SURF4: variants seen among roughly 807,000 people sequenced by gnomAD.
SURF4 encodes the protein surfeit locus protein 4.
Under a neutral mutation model 30.0 loss-of-function variants are expected in SURF4, and 3 were observed. The observed-to-expected ratio is 0.10, with a 90% CI of 0.05 to 0.26. The LOEUF (loss-of-function observed/expected upper bound fraction) is 0.26. SURF4 is among the 10% of genes least tolerant of loss of function. The pLI is 1.00. For synonymous variants in SURF4, 143 were observed against 139.9 expected, an observed-to-expected ratio of 1.02 and a Z score of -0.16; for missense variants, 217 against 350.8, an observed-to-expected ratio of 0.62 and a Z score of 3.05.
Position 133,361,705 on chromosome 9 carries a change from C to CTA in SURF4, c.*1787_*1788insTA, listed in dbSNP as rs1836813280. ...CCAGGGCCAGGAGAAACAGGAACAC[C>CTA]CACTAGGACGGAGGCGCTGCTGGTG... On this transcript the variant is annotated 3_prime_UTR_variant, in exon 6 of 6. Coordinates refer to ENST00000371989, the MANE Select transcript of SURF4 (RefSeq NM_033161.4). 6.5e-6 allele frequency: 1 copy of CTA among 154,002 alleles called. No homozygotes were observed. 9.5% of individuals were successfully genotyped at this position (154,002 alleles called of 1,614,324 possible).
In SURF4 at chr9:133,361,798, A is replaced by G. The variant is rs1836822174; in HGVS notation, c.*1695T>C. 6.6e-6 allele frequency: 1 copy of G among 152,370 alleles called. No homozygotes were observed. 9.4% of individuals were successfully genotyped at this position (152,370 alleles called of 1,614,324 possible). A position where few individuals can be genotyped will look rare whatever the true frequency, so the allele number is the denominator to read the frequency against. ...CCTACTTTCCACCAATCAGCCAACC[A>G]ACCTTGACCACAGAGAAACCGTGAC... On this transcript the variant is annotated 3_prime_UTR_variant, in exon 6 of 6. Transcript: ENST00000371989.
Position 133,364,822 on chromosome 9 carries a change from G to A in SURF4, c.543+18C>T. The A allele has an allele frequency of 6.2e-7, 1 of 1,613,780 alleles. No individual in the cohort carries two copies. Among genetic ancestry groups the A allele is most frequent in the Non-Finnish European group, 8.5e-7 (1 of 1,179,836 alleles). ...TTCACAGGAAACCAGACCGGTTCAGGCAAGTAGGAATACTTACAGAAAAGA... is the reference window on the plus strand; with the variant it reads ...TTCACAGGAAACCAGACCGGTTCAGACAAGTAGGAATACTTACAGAAAAGA... On this transcript the variant is annotated intron_variant, in intron 5 of 5. Transcript: ENST00000371989.
chr9:133,373,463 C>T (rs1207247375), intron 1 of SURF4, among the ~76,000 whole-genome samples: 1 of 151,890 alleles, frequency 6.6e-6, no homozygotes, highest in Non-Finnish European at 1.5e-5. Context: ...ATTAGCGGGG[C>T]GTGGTGGCGT....
intron 1 of SURF4, among the ~76,000 whole-genome samples, chr9:133,368,313 G>A (rs2130156778): frequency 3.9e-5 from 6 of 152,350 alleles, no homozygotes; most frequent in African/African-American, 1.4e-4. Context: ...GTAAGATCAC[G>A]TTTACAGTTA....
chr9:133,365,915 T>G, intron 4 of SURF4, 70 bp downstream of exon 4: 1 of 1,499,434 alleles, frequency 6.7e-7, no homozygotes, highest in Non-Finnish European at 9.3e-7. Context: ...TTGGAGCATT[T>G]CAGACTTTGG....
chr9:133,363,869 A>T lies in SURF4; in HGVS notation c.544-110T>A, dbSNP rs2130095113. Reference sequence around the variant, plus strand: ...CATGAAGTCTCTATCCATCAGGCTGATGTAGCTACTGCTGAGACGGCTGCT... The same window carrying T: ...CATGAAGTCTCTATCCATCAGGCTGTTGTAGCTACTGCTGAGACGGCTGCT... On this transcript the variant is annotated intron_variant, in intron 5 of 5. Transcript: ENST00000371989. The surrounding 1 kb of genome is among the most constrained non-coding windows in gnomAD (Gnocchi z 4.3). 6.2e-5 allele frequency: 86 copies of T among 1,379,322 alleles called. No homozygotes were observed. The highest frequency in any genetic ancestry group is 8.1e-5 in the Non-Finnish European group (79 of 981,224). The allele number at this position is 1,379,322 out of a possible 1,614,324, so 85.4% of individuals were successfully genotyped here.
At position 133,367,523 on chromosome 9, in the gene SURF4, G is replaced by C. The variant is rs2130144748; in HGVS notation, c.49-78C>G. ...GCCGCTGCCAGGCACGTCCTTGGGC[G>C]GGGTGTGTGAGGAACAGACGCTGTG... On this transcript the variant is annotated intron_variant, in intron 1 of 5. Coordinates refer to ENST00000371989, the MANE Select transcript of SURF4 (RefSeq NM_033161.4). 6 of 1,595,222 alleles carry C rather than the reference G, an allele frequency of 3.8e-6. No individual in the cohort carries two copies. The East Asian group carries it at 1.1e-4, about 30-fold the overall frequency.
intron 1 of SURF4, among the ~76,000 whole-genome samples, chr9:133,374,097 T>C (rs1490931025): frequency 1.3e-5 from 2 of 152,074 alleles, no homozygotes; most frequent in African/African-American, 2.4e-5. Context: ...AGCGAGTGTA[T>C]GTAGCTCTCA....
rs1361867396 is a variant in SURF4 at position 133,362,542 on chromosome 9, C to T, written c.*951G>A. 6.5e-6 allele frequency: 1 copy of T among 152,712 alleles called. No homozygotes were observed. Among genetic ancestry groups the T allele is most frequent in the Non-Finnish European group, 1.5e-5 (1 of 68,112 alleles). The allele number at this position is 152,712 out of a possible 1,614,324, so 9.5% of individuals were successfully genotyped here. A position where few individuals can be genotyped will look rare whatever the true frequency, so the allele number is the denominator to read the frequency against. ...GCTCAGCCAGGGCGGCCTGCGCTTTCGAGACCTTGCTCAGAAAAGGCCCCA... is the reference window on the plus strand; with the variant it reads ...GCTCAGCCAGGGCGGCCTGCGCTTTTGAGACCTTGCTCAGAAAAGGCCCCA... On this transcript the variant is annotated 3_prime_UTR_variant, in exon 6 of 6. Transcript: ENST00000371989.
intron 1 of SURF4, among the ~76,000 whole-genome samples, chr9:133,368,300 A>G (rs996687626): frequency 6.6e-6 from 1 of 152,238 alleles, no homozygotes; most frequent in African/African-American, 2.4e-5. Context: ...GGTTGACTGA[A>G]TAGTAAGATC....
chr9:133,371,152 A>C, intron 1 of SURF4: 1 of 985,260 alleles, frequency 1.0e-6, no homozygotes, highest in Non-Finnish European at 1.2e-6. Flanking sequence ...TCAGGACAGA[A>C]AGAAATTGAG....
chr9:133,375,370 C>T (rs1209968044), intron 1 of SURF4: 4 of 985,634 alleles, frequency 4.1e-6, no homozygotes, highest in Non-Finnish European at 4.8e-6. Context: ...GTCAAAGGGA[C>T]CCCAAGAGTC....
rs1200932075 is a variant in SURF4, at chr9:133,370,741, G to A, written c.49-3296C>T. The A allele has an allele frequency of 2.5e-5, 15 of 599,008 alleles. No individual in the cohort carries two copies. In the East Asian group the frequency reaches 9.4e-4, roughly 38 times the overall value. The allele number at this position is 599,008 out of a possible 1,614,324, so 37.1% of individuals were successfully genotyped here. A position where few individuals can be genotyped will look rare whatever the true frequency, so the allele number is the denominator to read the frequency against. ...GGCCATTGCTGGTAGCCAGCACACA[G>A]GTGACCTGTGTAAACACGGCGAGCA... On this transcript the variant is annotated intron_variant, in intron 1 of 5. Coordinates refer to ENST00000371989, the MANE Select transcript of SURF4 (RefSeq NM_033161.4).
intron 5 of SURF4, among the ~76,000 whole-genome samples, chr9:133,364,191 CCT>C (rs1238900945): frequency 6.6e-6 from 1 of 152,142 alleles, no homozygotes; most frequent in Non-Finnish European, 1.5e-5. Context: ...GAGGCCTGCC[CCT>C]GACACCTGAC....
intron 1 of SURF4, chr9:133,370,985 T>G: frequency 7.8e-7 from 1 of 1,288,418 alleles, no homozygotes. Flanking sequence ...GACTGATATT[T>G]CTCTCAAAGG....
chr9:133,363,642 C>T lies in SURF4; in HGVS notation c.661G>A (p.Ala221Thr), dbSNP rs2130089456. 6.2e-6 allele frequency: 10 copies of T among 1,614,164 alleles called. No homozygotes were observed. The Admixed American group carries it at 6.7e-5, about 11-fold the overall frequency. ...TTGTAGACTGGAATGGTCCAGAAGGCGTTGAAATATACGTTGATGGCAAAG... is the reference window on the plus strand; with the variant it reads ...TTGTAGACTGGAATGGTCCAGAAGGTGTTGAAATATACGTTGATGGCAAAG... Reference protein sequence around the residue: ...WLFAINVYFNAFWTIPVYKPM... With the variant: ...WLFAINVYFNTFWTIPVYKPM... The change falls in exon 6 of 6, where the codon GCC (alanine) becomes ACC (threonine). Residue 221 changes from alanine to threonine, a missense_variant. Physicochemically the swap from Ala to Thr is moderately conservative, Grantham distance 58. Transcript: ENST00000371989. This position sits in a 1 kb window ranked among gnomAD's most constrained non-coding sequence, Gnocchi z 4.3.
In SURF4 at chr9:133,363,997, C is replaced by G. The variant is rs782642340; in HGVS notation, c.544-238G>C. The G allele has an allele frequency of 1.4e-6, 1 of 707,956 alleles. No individual in the cohort carries two copies. Among genetic ancestry groups the G allele is most frequent in the Admixed American group, 2.1e-5 (1 of 48,252 alleles). 43.9% of individuals were successfully genotyped at this position (707,956 alleles called of 1,614,324 possible). A position where few individuals can be genotyped will look rare whatever the true frequency, so the allele number is the denominator to read the frequency against. ...GAAGACTGAAGTTCCCAACTAGTAA[C>G]AGGCTGTGATTTACCAAGATGAATC... On this transcript the variant is annotated intron_variant, in intron 5 of 5. Coordinates refer to ENST00000371989, the MANE Select transcript of SURF4 (RefSeq NM_033161.4). The surrounding 1 kb of genome is among the most constrained non-coding windows in gnomAD (Gnocchi z 4.3).
At chr9:133,371,307 C>T (rs1837492748) in intron 1 of SURF4, among the ~76,000 whole-genome samples, 1 of 152,238 alleles carries the variant, frequency 6.6e-6, no homozygotes, top group African/African-American at 2.4e-5. Flanking sequence ...TGCGGCCCAG[C>T]GGCTTCCCTC....
intron 1 of SURF4, among the ~76,000 whole-genome samples, chr9:133,367,851 G>A (rs1837271340): frequency 6.6e-6 from 1 of 152,246 alleles, no homozygotes; most frequent in Non-Finnish European, 1.5e-5. Flanking sequence ...TGGAATCACA[G>A]AATGACATCT....
Sources: gnomAD v4.1 joint callset for allele counts (sites outside exome capture counted in the v4.1 genomes callset) on GRCh38, gnomAD v4.1.1 for gene constraint, Gnocchi (gnomAD v3.1) non-coding constraint, MANE v1.5 for transcripts, NCBI Gene and HGNC (gene_info 2026-07-23, HGNC 2026-07-21) for gene names.